The following ST18 variants were observed in gnomAD, a reference collection of about 807,000 sequenced individuals.
The protein encoded by ST18 is suppression of tumorigenicity 18 protein.
Under a neutral mutation model 110.0 loss-of-function variants are expected in ST18, and 50 were observed. The observed-to-expected ratio is 0.45, with a 90% CI of 0.36 to 0.58. ST18 has a LOEUF of 0.58. Ranked by LOEUF, ST18 falls within the 20% of genes least tolerant of loss-of-function variation. The pLI is 0.00. For synonymous variants in ST18, 461 were observed against 452.4 expected, an observed-to-expected ratio of 1.02 and a Z score of -0.24; for missense variants, 1,306 against 1,280.1, an observed-to-expected ratio of 1.02 and a Z score of -0.31.
chr8:52,202,166 T>G (rs1191040718), intron 8 of ST18, among the ~76,000 whole-genome samples: 1 of 152,158 alleles, frequency 6.6e-6, no homozygotes, highest in African/African-American at 2.4e-5. Context: ...GGGAAAGAAC[T>G]TAAGAACTTG....
intron 8 of ST18, among the ~76,000 whole-genome samples, chr8:52,208,952 G>A (rs1370549659): frequency 2.6e-5 from 4 of 152,122 alleles, no homozygotes; most frequent in African/African-American, 9.7e-5. Flanking sequence ...TATAAGCTGG[G>A]TCTCATTAAA....
chr8:52,300,148 T>A (rs1437505466), intron 2 of ST18, among the ~76,000 whole-genome samples: 4 of 152,206 alleles, frequency 2.6e-5, no homozygotes, highest in Non-Finnish European at 1.5e-5. Context: ...GCTTTTTTGA[T>A]TACTAAAATG....
intron 8 of ST18, chr8:52,210,204 A>G (rs2081675168): frequency 1.3e-5 from 6 of 454,202 alleles, no homozygotes; most frequent in Admixed American, 9.5e-5. Context: ...TCTCTTGACT[A>G]TTCTACAGGG....
intron 8 of ST18, among the ~76,000 whole-genome samples, chr8:52,185,525 T>C (rs141912733): frequency 3.9e-4 from 60 of 152,242 alleles, no homozygotes; most frequent in Non-Finnish European, 7.1e-4. Flanking sequence ...TCAAAACTTG[T>C]CATAAAACTG....
At chr8:52,406,252 C>T (rs1844450786) in intron 2 of ST18, 1 of 152,236 alleles carries the variant, frequency 6.6e-6, no homozygotes, top group Non-Finnish European at 1.5e-5. Flanking sequence ...ATTCCAATTA[C>T]TCCCTCCTCT....
rs371927202 is a variant in ST18, at chr8:52,295,710, CTTTTT to C, written c.-464-65638_-464-65634del. On this transcript the variant is annotated intron_variant, in intron 2 of 25. Coordinates refer to ENST00000689386, the MANE Select transcript of ST18 (RefSeq NM_001352837.2). ...AAATGAAAGAGCTTCTCTTTTTTTCCTTTTTTTTTTTTTTTTTTGAATTAAGGGAG... is the reference window on the plus strand; with the variant it reads ...AAATGAAAGAGCTTCTCTTTTTTTCCTTTTTTTTTTTTTGAATTAAGGGAG... Among the ~76,000 whole-genome samples, 39 of 130,828 alleles carry C rather than the reference CTTTTT, an allele frequency of 3.0e-4. No homozygotes were observed. In the East Asian group the frequency reaches 6.5e-3, roughly 22 times the overall value. The allele number at this position is 130,828 out of a possible 152,430, so 85.8% of individuals were successfully genotyped here. A position where few individuals can be genotyped will look rare whatever the true frequency, so the allele number is the denominator to read the frequency against.
chr8:52,377,713 A>G (rs1043147000), intron 2 of ST18, among the ~76,000 whole-genome samples: 1 of 152,208 alleles, frequency 6.6e-6, no homozygotes, highest in African/African-American at 2.4e-5. Context: ...AATACTGCAA[A>G]TAGAACTATG....
intron 2 of ST18, among the ~76,000 whole-genome samples, chr8:52,362,592 G>A (rs1349960368): frequency 6.6e-6 from 1 of 150,780 alleles, no homozygotes; most frequent in Non-Finnish European, 1.5e-5. Flanking sequence ...CACAGACTAA[G>A]AGTCGCATTC....
intron 2 of ST18, among the ~76,000 whole-genome samples, chr8:52,266,723 T>A (rs2094884141): frequency 1.3e-5 from 2 of 151,944 alleles, no homozygotes; most frequent in Admixed American, 1.3e-4. Context: ...TTTGGATTTT[T>A]AGTAGAGATG....
chr8:52,117,924 T>C (rs528517424), intron 24 of ST18, among the ~76,000 whole-genome samples: 1 of 152,190 alleles, frequency 6.6e-6, no homozygotes, highest in Non-Finnish European at 1.5e-5. Context: ...TTCAGTAAGA[T>C]CTGTTTCTAA....
chr8:52,222,742 A>G (rs1309801083), intron 3 of ST18, among the ~76,000 whole-genome samples: 1 of 152,186 alleles, frequency 6.6e-6, no homozygotes, highest in Non-Finnish European at 1.5e-5. Context: ...TCAAGGAGAT[A>G]CCTTTAAAAA....
At chr8:52,133,711 A>G (rs2050746240) in intron 19 of ST18, among the ~76,000 whole-genome samples, 1 of 119,920 alleles carries the variant, frequency 8.3e-6, no homozygotes, top group Non-Finnish European at 1.6e-5. Context: ...AGTTTTCCAA[A>G]TTATTATTAT....
At chr8:52,184,888 T>A (rs1310834062) in intron 8 of ST18, among the ~76,000 whole-genome samples, 1 of 152,176 alleles carries the variant, frequency 6.6e-6, no homozygotes, top group African/African-American at 2.4e-5. Flanking sequence ...CCTACTGATT[T>A]CTTCTAATGA....
At chr8:52,303,396 A>C (rs887465994) in intron 2 of ST18, among the ~76,000 whole-genome samples, 4 of 152,224 alleles carry the variant, frequency 2.6e-5, no homozygotes, top group African/African-American at 9.6e-5. Context: ...TATTGGATTT[A>C]AGATCACTCT....
Position 52,165,171 on chromosome 8 carries a change from C to T in ST18, c.1259G>A (p.Arg420Lys). Residue 420 changes from arginine (R) to lysine (K), a missense_variant, in exon 12 of 26, where the codon AGG becomes AAG. By Grantham distance (26) the Arg-to-Lys change is conservative. Transcript: ENST00000689386. ...LKCPTPGCTGRGHVNSNRNTH... is the reference protein window; with the variant it reads ...LKCPTPGCTGKGHVNSNRNTH... ...GTTGCGGTTGCTGTTCACATGACCC[C>T]TTCCTGTGCATCCCGGCGTGGGACA... 1 of 1,614,176 alleles carries T rather than the reference C, an allele frequency of 6.2e-7. No homozygotes were observed. The highest frequency in any genetic ancestry group is 2.2e-5 in the East Asian group (1 of 44,884).
intron 2 of ST18, among the ~76,000 whole-genome samples, chr8:52,300,181 G>A (rs2095696407): frequency 1.3e-5 from 2 of 152,170 alleles, no homozygotes; most frequent in African/African-American, 2.4e-5. Flanking sequence ...GGGTATGTAA[G>A]TTGGTTCTTC....
intron 19 of ST18, among the ~76,000 whole-genome samples, chr8:52,134,993 C>T (rs1024017944): frequency 6.6e-6 from 1 of 152,032 alleles, no homozygotes; most frequent in Non-Finnish European, 1.5e-5. Context: ...AATGAATATT[C>T]CTATAGGATC....
At chr8:52,189,276 T>C (rs530760678) in intron 8 of ST18, among the ~76,000 whole-genome samples, 14 of 152,224 alleles carry the variant, frequency 9.2e-5, no homozygotes, top group African/African-American at 3.4e-4. Flanking sequence ...ATCCTGAAGG[T>C]GCTGGATCAA....
At chr8:52,334,659 C>T (rs1039345067) in intron 2 of ST18, among the ~76,000 whole-genome samples, 2 of 152,100 alleles carry the variant, frequency 1.3e-5, no homozygotes, top group African/African-American at 4.8e-5. Context: ...TTTTCTGTCT[C>T]TCTGCCCAAA....
Sources: allele counts gnomAD v4.1 joint callset (sites outside exome capture counted in the v4.1 genomes callset), GRCh38; gene constraint gnomAD v4.1.1; transcripts MANE v1.5; gene names NCBI Gene and HGNC (gene_info 2026-07-23, HGNC 2026-07-21).